The following CSMD1 variants were observed in gnomAD, a reference collection of about 807,000 sequenced individuals.
CSMD1 encodes CUB and Sushi multiple domains 1, also known as CUB and sushi domain-containing protein 1.
A neutral mutation model predicts 417.5 loss-of-function variants in CSMD1; 213 were observed. The ratio of observed to expected loss-of-function variants is 0.51; its 90% CI spans 0.46 to 0.57. The LOEUF is 0.57. Ranked by LOEUF, CSMD1 falls within the 20% of genes least tolerant of loss-of-function variation. The pLI is 0.00. For missense variants in CSMD1, 6,923 were observed against 4,529.7 expected (o/e 1.53, Z -15.17); for synonymous variants, 2,862 against 1,736.8 (o/e 1.65, Z -16.11).
intron 23 of CSMD1, among the ~76,000 whole-genome samples, chr8:3,316,115 A>G (rs1204461202): frequency 1.3e-5 from 2 of 152,202 alleles, no homozygotes; most frequent in African/African-American, 4.8e-5. Context: ...AGGCACCTAC[A>G]TGGATGAACT....
chr8:4,108,830 G>A (rs534566518), intron 3 of CSMD1, among the ~76,000 whole-genome samples: 1 of 152,270 alleles, frequency 6.6e-6, no homozygotes, highest in East Asian at 1.9e-4. Context: ...GACCAGCAGA[G>A]TTCTGCATAT....
chr8:4,446,755 C>CTGTGTGTGTGTGTGTGTGTG (rs58002310), intron 2 of CSMD1, among the ~76,000 whole-genome samples: 8 of 133,020 alleles, frequency 6.0e-5, no homozygotes, highest in South Asian at 2.4e-4. Context: ...GTGTGTGTGT[C>CTGTGTGTGTGTGTGTGTGTG]TGTGTGTGTG....
At chr8:3,232,989 A>T (rs562422410) in intron 26 of CSMD1, among the ~76,000 whole-genome samples, 9 of 152,264 alleles carry the variant, frequency 5.9e-5, no homozygotes, top group Admixed American at 5.9e-4. Flanking sequence ...TTGTTTTTAT[A>T]AACCTCATAC....
At chr8:3,643,477 C>T (rs1425316110) in intron 7 of CSMD1, among the ~76,000 whole-genome samples, 4 of 151,910 alleles carry the variant, frequency 2.6e-5, no homozygotes, top group South Asian at 2.1e-4. Context: ...CCGAGGTAGG[C>T]GGATCACAAG....
chr8:3,825,571 G>T (rs111601268), intron 5 of CSMD1, among the ~76,000 whole-genome samples: 2 of 132,472 alleles, frequency 1.5e-5, no homozygotes, highest in Non-Finnish European at 3.2e-5. Flanking sequence ...GGTGGTGTTT[G>T]ATTACCTAGA....
chr8:4,603,564 G>A (rs1343234706), intron 2 of CSMD1, among the ~76,000 whole-genome samples: 1 of 152,038 alleles, frequency 6.6e-6, no homozygotes, highest in Admixed American at 6.6e-5. Flanking sequence ...AATATTAAGT[G>A]ACCTCATGAT....
chr8:4,657,114 A>G (rs541865212), intron 1 of CSMD1, among the ~76,000 whole-genome samples: 2 of 152,300 alleles, frequency 1.3e-5, no homozygotes, highest in East Asian at 3.9e-4. Flanking sequence ...CTGGGATATA[A>G]AAGCATCCAA....
At chr8:4,204,117 C>T (rs1799831756) in intron 3 of CSMD1, among the ~76,000 whole-genome samples, 1 of 152,030 alleles carries the variant, frequency 6.6e-6, no homozygotes, top group Non-Finnish European at 1.5e-5. Context: ...CAAAACAAAA[C>T]CTAAAACTTA....
At chr8:4,042,047 G>A (rs1797918944) in intron 3 of CSMD1, among the ~76,000 whole-genome samples, 1 of 152,084 alleles carries the variant, frequency 6.6e-6, no homozygotes, top group Admixed American at 6.5e-5. Context: ...ACATCTCCAA[G>A]CAGACACAAG....
chr8:4,801,818 T>C (rs934094220), intron 1 of CSMD1, among the ~76,000 whole-genome samples: 1 of 152,214 alleles, frequency 6.6e-6, no homozygotes, highest in East Asian at 1.9e-4. Context: ...AGCTACTCTT[T>C]TCTAAAATGA....
chr8:3,114,113 A>G (rs896686130), intron 42 of CSMD1, among the ~76,000 whole-genome samples: 19 of 152,138 alleles, frequency 1.2e-4, no homozygotes, highest in African/African-American at 4.6e-4. Flanking sequence ...GCATGCGAGC[A>G]CATGCCTGTG....
chr8:3,004,927 T>A (rs1807746774), intron 52 of CSMD1, among the ~76,000 whole-genome samples: 1 of 152,046 alleles, frequency 6.6e-6, no homozygotes, highest in African/African-American at 2.4e-5. Context: ...TCACCTGAGG[T>A]CAGGAGTTCG....
chr8:4,174,936 T>C (rs1797961654), intron 3 of CSMD1, among the ~76,000 whole-genome samples: 1 of 151,182 alleles, frequency 6.6e-6, no homozygotes, highest in Non-Finnish European at 1.5e-5. Context: ...AACTCCTTAA[T>C]TTAATATTGA....
At chr8:3,213,670 AATAT>A (rs913940693) in intron 30 of CSMD1, among the ~76,000 whole-genome samples, 1 of 147,592 alleles carries the variant, frequency 6.8e-6, no homozygotes, top group Admixed American at 6.7e-5. Flanking sequence ...AATAGGTGTA[AATAT>A]ATATGTGTGT....
At chr8:4,158,093 T>A (rs1584928401) in intron 3 of CSMD1, among the ~76,000 whole-genome samples, 1 of 151,796 alleles carries the variant, frequency 6.6e-6, no homozygotes, top group South Asian at 2.1e-4. Flanking sequence ...AAAACCCTTT[T>A]TTTTTTTTTT....
At chr8:4,476,054 A>C (rs1345413498) in intron 2 of CSMD1, among the ~76,000 whole-genome samples, 2 of 152,004 alleles carry the variant, frequency 1.3e-5, no homozygotes, top group Non-Finnish European at 2.9e-5. Context: ...ATTTCTGGTT[A>C]AGACAGTGTG....
chr8:3,764,242 G>A (rs575201230), intron 5 of CSMD1, among the ~76,000 whole-genome samples: 12 of 152,208 alleles, frequency 7.9e-5, no homozygotes, highest in East Asian at 5.8e-4. Context: ...TACGCTTCTC[G>A]CTTCTCTTCC....
chr8:3,923,335 T>C (rs1443254325), intron 5 of CSMD1, among the ~76,000 whole-genome samples: 1 of 152,178 alleles, frequency 6.6e-6, no homozygotes, highest in Admixed American at 6.5e-5. Context: ...TACACATACA[T>C]CCACATACGT....
intron 5 of CSMD1, among the ~76,000 whole-genome samples, chr8:3,908,676 A>G (rs561273551): frequency 6.7e-6 from 1 of 150,208 alleles, no homozygotes; most frequent in Admixed American, 6.6e-5. Context: ...CTCCAATAAC[A>G]TGAAACAACT....
Sources: allele counts gnomAD v4.1 joint callset (sites outside exome capture counted in the v4.1 genomes callset), GRCh38; gene constraint gnomAD v4.1.1; transcripts MANE v1.5; gene names NCBI Gene and HGNC (gene_info 2026-07-23, HGNC 2026-07-21).